The following RPA1 variants were observed in gnomAD, a reference collection of about 807,000 sequenced individuals.
RPA1 encodes replication protein A 70 kDa DNA-binding subunit.
A neutral mutation model predicts 83.0 loss-of-function variants in RPA1; 49 were observed. That is an observed-to-expected ratio of 0.59 (90% confidence interval 0.47 to 0.75). The LOEUF (loss-of-function observed/expected upper bound fraction) is 0.75, where lower values mean the gene tolerates loss of function less well. Among genes scored for constraint, RPA1 ranks in the 30% least tolerant of loss-of-function variants. The pLI, the probability that RPA1 is intolerant of heterozygous loss-of-function variation, is 0.00. For missense variants in RPA1, 693 were observed against 776.1 expected (o/e 0.89, Z 1.27); for synonymous variants, 279 against 281.8 (o/e 0.99, Z 0.10).
chr17:1,851,162 T>G (rs1484180867), intron 4 of RPA1, among the ~76,000 whole-genome samples: 1 of 152,214 alleles, frequency 6.6e-6, no homozygotes, highest in Non-Finnish European at 1.5e-5. Context: ...TTAGTATGTA[T>G]TTTTGAAAGA....
intron 4 of RPA1, among the ~76,000 whole-genome samples, chr17:1,852,653 C>T (rs979229024): frequency 2.0e-5 from 3 of 152,074 alleles, no homozygotes; most frequent in South Asian, 2.1e-4. Context: ...GTTATCACAA[C>T]GTTTTAATTA....
At position 1,866,339 on chromosome 17, in the gene RPA1, C is replaced by T. The variant is rs143212439; in HGVS notation, c.362-6095C>T. On this transcript the variant is annotated intron_variant, in intron 5 of 16. Coordinates refer to ENST00000254719, the MANE Select transcript of RPA1 (RefSeq NM_002945.5). ...TTTTTTCTTTTTTCTTTTTTTGAGA[C>T]GGAGTCTCTCTGTCACCCAGGGTGG... 8.1e-3 allele frequency among the ~76,000 whole-genome samples: 1,228 copies of T among 151,246 alleles called. 19 individuals carry two copies. Among genetic ancestry groups the T allele is most frequent in the South Asian group, 0.024 (113 of 4,790 alleles).
intron 12 of RPA1, among the ~76,000 whole-genome samples, chr17:1,881,159 T>C (rs1231595028): frequency 6.6e-6 from 1 of 152,216 alleles, no homozygotes; most frequent in East Asian, 1.9e-4. Context: ...GATTAGATTG[T>C]TATTCCCAAA....
At chr17:1,842,874 T>C in intron 2 of RPA1, 21 bp downstream of exon 2, 1 of 1,611,746 alleles carries the variant, frequency 6.2e-7, no homozygotes, top group Non-Finnish European at 8.5e-7. Flanking sequence ...GCGTATGTTA[T>C]GTTCCATGTC....
chr17:1,888,992 TC>T, intron 14 of RPA1, 141 bp downstream of exon 14: 1 of 849,652 alleles, frequency 1.2e-6, no homozygotes, highest in Non-Finnish European at 1.7e-6. Flanking sequence ...AGCTTATCCA[TC>T]CGCTTTTTCA....
chr17:1,876,344 C>T (rs542323983), intron 7 of RPA1, among the ~76,000 whole-genome samples: 9 of 152,252 alleles, frequency 5.9e-5, no homozygotes, highest in Middle Eastern at 3.4e-3. Context: ...CACCTGAGGT[C>T]GGGAGTTTGA....
chr17:1,853,174 G>C lies in RPA1; in HGVS notation c.346G>C (p.Val116Leu), dbSNP rs766696018. 3 of 1,613,754 alleles carry C rather than the reference G, an allele frequency of 1.9e-6. No individual in the cohort carries two copies. The East Asian group carries it at 6.7e-5, about 36-fold the overall frequency. ...EAVGVKIGNP[V>L]PYNEGLGQPQ... ...AGTTGGAGTGAAGATTGGCAATCCA[G>C]TGCCCTATAATGAAGGTAAAATGCT... Residue 116 changes from valine to leucine, a missense_variant, in exon 5 of 17, where the codon GTG becomes CTG. By Grantham distance (32) the Val-to-Leu change is conservative. Transcript: ENST00000254719.
intron 4 of RPA1, 79 bp from the exon 5 acceptor site, chr17:1,853,022 C>T (rs1196240918): frequency 5.7e-6 from 6 of 1,058,018 alleles, no homozygotes; most frequent in South Asian, 1.3e-5. Context: ...CAATGATCAT[C>T]GGGGAAAGCA....
At chr17:1,844,441 C>G (rs930225060) in intron 3 of RPA1, 137 bp from the exon 4 acceptor site, 1 of 610,770 alleles carries the variant, frequency 1.6e-6, no homozygotes, top group Non-Finnish European at 2.9e-6. Context: ...CACAGTTTTT[C>G]ACTCTGCAGA....
intron 8 of RPA1, 150 bp downstream of exon 8, chr17:1,877,464 C>T (rs1913616303): frequency 1.5e-6 from 1 of 658,412 alleles, no homozygotes; most frequent in African/African-American, 1.8e-5. Context: ...AGGCTCAGCT[C>T]TGCGGGCCTA....
At chr17:1,835,783 G>T (rs563068901) in intron 1 of RPA1, among the ~76,000 whole-genome samples, 21 of 152,080 alleles carry the variant, frequency 1.4e-4, no homozygotes, top group African/African-American at 4.8e-4. Context: ...TGTACTTTTT[G>T]AATCCCCCTC....
chr17:1,842,045 A>G (rs1912065948), intron 1 of RPA1, among the ~76,000 whole-genome samples: 1 of 152,020 alleles, frequency 6.6e-6, no homozygotes, highest in African/African-American at 2.4e-5. Context: ...TTTTTTAAAC[A>G]GAGTCTCGCT....
intron 1 of RPA1, among the ~76,000 whole-genome samples, chr17:1,840,735 C>T (rs1057350255): frequency 6.6e-6 from 1 of 152,182 alleles, no homozygotes; most frequent in Non-Finnish European, 1.5e-5. Flanking sequence ...GTGTGCAGTT[C>T]TTACATATGT....
At chr17:1,855,412 C>T (rs547964384) in intron 5 of RPA1, among the ~76,000 whole-genome samples, 60 of 152,184 alleles carry the variant, frequency 3.9e-4, no homozygotes, top group Non-Finnish European at 6.8e-4. Flanking sequence ...TGGTCTCGAA[C>T]TCCTGACCTC....
intron 5 of RPA1, chr17:1,858,422 C>A: frequency 6.4e-7 from 1 of 1,553,728 alleles, no homozygotes; most frequent in South Asian, 1.1e-5. Context: ...TGACGACCAA[C>A]GTGTCTCAGC....
Position 1,895,028 on chromosome 17 carries a change from A to T in RPA1, c.1679A>T (p.Glu560Val). The change falls in exon 16 of 17, where the codon GAA becomes GTA. Residue 560 changes from glutamate to valine, a missense_variant. Physicochemically the swap from Glu to Val is moderately radical, Grantham distance 121. Transcript: ENST00000254719. The part of the protein sequence containing the change: ...LKDKNEQAFE[E>V]VFQNANFRSF... ...TTGCAGAATGAACAGGCATTTGAAG[A>T]AGTTTTCCAGAATGCCAACTTCCGA... 1.2e-6 allele frequency: 2 copies of T among 1,613,442 alleles called. No homozygotes were observed. The highest frequency in any genetic ancestry group is 1.7e-6 in the Non-Finnish European group (2 of 1,179,630).
intron 6 of RPA1, 74 bp from the exon 7 acceptor site, chr17:1,875,587 T>C: frequency 6.7e-7 from 1 of 1,497,354 alleles, no homozygotes; most frequent in Non-Finnish European, 9.0e-7. Context: ...AAATTTAGAG[T>C]TATTGTAAAG....
rs569053330 is a variant in RPA1 at position 1,831,821 on chromosome 17, G to A, written c.33+1695G>A. ...TCACCGTGTTAGCCAGGATGGTCTC[G>A]ATCTCCTGACCTTGTGATTCGCCCG... is the stretch of plus-strand genomic sequence containing the variant. On this transcript the variant is annotated intron_variant, in intron 1 of 16. Coordinates refer to ENST00000254719, the MANE Select transcript of RPA1 (RefSeq NM_002945.5). Among the ~76,000 whole-genome samples, 202 of 150,242 alleles carry A rather than the reference G, an allele frequency of 1.3e-3. 3 individuals carry two copies. Among genetic ancestry groups the A allele is most frequent in the Non-Finnish European group, 7.5e-4 (51 of 67,780 alleles).
chr17:1,875,128 G>A (rs901763332), intron 6 of RPA1, among the ~76,000 whole-genome samples: 1 of 152,160 alleles, frequency 6.6e-6, no homozygotes, highest in East Asian at 1.9e-4. Flanking sequence ...TGCACCCGAC[G>A]AAACTCATTC....
Sources: gnomAD v4.1 joint callset for allele counts (sites outside exome capture counted in the v4.1 genomes callset) on GRCh38, gnomAD v4.1.1 for gene constraint, MANE v1.5 for transcripts, NCBI Gene and HGNC (gene_info 2026-07-23, HGNC 2026-07-21) for gene names.